The following XYLT1 variants were observed in gnomAD, a reference collection of about 807,000 sequenced individuals.
XYLT1 encodes beta-D-xylosyltransferase 1.
A neutral mutation model predicts 91.3 loss-of-function variants in XYLT1; 36 were observed. That is an observed-to-expected ratio of 0.39 (90% CI 0.30 to 0.52). The LOEUF is 0.52. Ranked by LOEUF, XYLT1 falls within the 20% of genes least tolerant of loss-of-function variation. The probability of loss-of-function intolerance (pLI) is 0.68; values close to 1 mark genes in which losing one functional copy is unlikely to be tolerated. For missense variants in XYLT1, 1,242 were observed against 1,284.5 expected, an observed-to-expected ratio of 0.97 and a Z score of 0.51; for synonymous variants, 588 against 532.0, an observed-to-expected ratio of 1.11 and a Z score of -1.45.
intron 2 of XYLT1, among the ~76,000 whole-genome samples, chr16:17,263,688 C>T (rs1208681980): frequency 6.6e-6 from 1 of 151,582 alleles, no homozygotes; most frequent in East Asian, 1.9e-4. Context: ...CTCTGGCTTC[C>T]CCCCTTCAAT....
chr16:17,373,493 C>T (rs6498696), intron 1 of XYLT1, among the ~76,000 whole-genome samples: 15,265 of 151,772 alleles, frequency 0.1, 966 homozygotes, highest in African/African-American at 0.18. Context: ...GTGTAGTACA[C>T]GTGTTTCATT....
At chr16:17,276,504 T>C (rs2033977967) in intron 2 of XYLT1, among the ~76,000 whole-genome samples, 3 of 152,228 alleles carry the variant, frequency 2.0e-5, no homozygotes. Flanking sequence ...CTTGGCCATA[T>C]ACTTCAATAG....
At chr16:17,406,107 C>A (rs981593893) in intron 1 of XYLT1, among the ~76,000 whole-genome samples, 1 of 152,142 alleles carries the variant, frequency 6.6e-6, no homozygotes, top group African/African-American at 2.4e-5. Flanking sequence ...ATCGCTTGAA[C>A]CTGGGAGGTG....
At chr16:17,408,652 C>T (rs1346185547) in intron 1 of XYLT1, among the ~76,000 whole-genome samples, 1 of 152,174 alleles carries the variant, frequency 6.6e-6, no homozygotes. Flanking sequence ...TTGAGACCAG[C>T]CTGACCAACA....
intron 1 of XYLT1, among the ~76,000 whole-genome samples, chr16:17,441,433 G>A (rs969941414): frequency 1.3e-5 from 2 of 152,074 alleles, no homozygotes; most frequent in African/African-American, 4.8e-5. Flanking sequence ...CTGAAAGAAT[G>A]GATAACCCTG....
At chr16:17,221,141 C>A (rs1309179535) in intron 3 of XYLT1, among the ~76,000 whole-genome samples, 1 of 152,110 alleles carries the variant, frequency 6.6e-6, no homozygotes, top group Non-Finnish European at 1.5e-5. Context: ...GGGTCCTCGT[C>A]CCTCTCCGGC....
At chr16:17,386,205 C>T (rs1040493597) in intron 1 of XYLT1, among the ~76,000 whole-genome samples, 2 of 152,314 alleles carry the variant, frequency 1.3e-5, no homozygotes, top group East Asian at 1.9e-4. Context: ...GCACCCCCTT[C>T]GCCAGGTCCT....
chr16:17,138,999 C>T (rs2030877357), intron 7 of XYLT1, among the ~76,000 whole-genome samples: 1 of 152,176 alleles, frequency 6.6e-6, no homozygotes, highest in Admixed American at 6.5e-5. Flanking sequence ...CGCCAGACGG[C>T]AACATAGGGA....
chr16:17,322,629 TC>T, intron 2 of XYLT1, among the ~76,000 whole-genome samples: 1 of 152,230 alleles, frequency 6.6e-6, no homozygotes, highest in Admixed American at 6.5e-5. Flanking sequence ...CACTCTGGCC[TC>T]TTTGCCCTGC....
chr16:17,297,238 G>C lies in XYLT1; in HGVS notation c.403-37740C>G, dbSNP rs6498678. On this transcript the variant is annotated intron_variant, in intron 2 of 11. Coordinates refer to ENST00000261381, the MANE Select transcript of XYLT1 (RefSeq NM_022166.4). ...AACACCACCCAACACAGAGCACTTT[G>C]AACTTCTCATGTGTACTGCCATGCT... Among the ~76,000 whole-genome samples, 9 of 152,038 alleles carry C rather than the reference G, an allele frequency of 5.9e-5. No individual in the cohort carries two copies. In the South Asian group the frequency reaches 8.3e-4, roughly 14 times the overall value.
chr16:17,327,368 T>C (rs563357473), intron 2 of XYLT1, among the ~76,000 whole-genome samples: 20 of 146,544 alleles, frequency 1.4e-4, no homozygotes, highest in East Asian at 6.0e-4. Flanking sequence ...TTTCTTTTTT[T>C]TTTTTTTTTT....
rs578081915 is a variant in XYLT1, at chr16:17,268,720, T to A, written c.403-9222A>T. Among the ~76,000 whole-genome samples, 50 of 151,418 alleles carry A rather than the reference T, an allele frequency of 3.3e-4. No homozygotes were observed. The South Asian group carries it at 4.0e-3, about 12-fold the overall frequency. On this transcript the variant is annotated intron_variant, in intron 2 of 11. Transcript: ENST00000261381. ...GAGTTTCGCTCTTTGTTGCCCAGGCTGGAGTACAGTGGTGCAATCTCGGCT... is the reference window on the plus strand; with the variant it reads ...GAGTTTCGCTCTTTGTTGCCCAGGCAGGAGTACAGTGGTGCAATCTCGGCT...
intron 3 of XYLT1, among the ~76,000 whole-genome samples, chr16:17,220,832 T>C (rs1329553887): frequency 6.6e-6 from 1 of 152,206 alleles, no homozygotes; most frequent in African/African-American, 2.4e-5. Flanking sequence ...AATCATTTGC[T>C]TGTCTCTCCA....
intron 5 of XYLT1, among the ~76,000 whole-genome samples, chr16:17,159,821 A>G (rs2031503960): frequency 6.6e-6 from 1 of 152,260 alleles, no homozygotes; most frequent in Non-Finnish European, 1.5e-5. Context: ...CAGCTGTGAC[A>G]GTATTTTAAA....
chr16:17,239,519 TCC>T (rs1443576086), intron 3 of XYLT1, among the ~76,000 whole-genome samples: 9 of 143,362 alleles, frequency 6.3e-5, no homozygotes, highest in African/African-American at 2.4e-4. Context: ...CATCCATCCA[TCC>T]ATCCATCCAT....
chr16:17,131,591 C>G (rs1383194831), intron 9 of XYLT1, among the ~76,000 whole-genome samples: 1 of 152,134 alleles, frequency 6.6e-6, no homozygotes, highest in Non-Finnish European at 1.5e-5. Context: ...CAATAAAATG[C>G]TGACATCCTT....
chr16:17,269,542 A>T (rs780111076), intron 2 of XYLT1, among the ~76,000 whole-genome samples: 15 of 152,216 alleles, frequency 9.9e-5, no homozygotes, highest in Non-Finnish European at 1.8e-4. Context: ...GCTCCTGCTT[A>T]AAGTGACTGC....
intron 5 of XYLT1, among the ~76,000 whole-genome samples, chr16:17,182,638 A>G (rs2032096988): frequency 7.6e-6 from 1 of 131,322 alleles, no homozygotes; most frequent in Non-Finnish European, 1.5e-5. Flanking sequence ...AGAATATGCC[A>G]GCATTGCTTT....
At chr16:17,326,839 A>C (rs529949769) in intron 2 of XYLT1, among the ~76,000 whole-genome samples, 7 of 151,872 alleles carry the variant, frequency 4.6e-5, no homozygotes, top group African/African-American at 9.7e-5. Context: ...ACAAAAAAAA[A>C]CAAAAAAAAC....
Sources: gnomAD v4.1 joint callset for allele counts (sites outside exome capture counted in the v4.1 genomes callset) on GRCh38, gnomAD v4.1.1 for gene constraint, MANE v1.5 for transcripts, NCBI Gene and HGNC (gene_info 2026-07-23, HGNC 2026-07-21) for gene names.